KCNQ3: variants seen among roughly 807,000 people sequenced by gnomAD.
The protein encoded by KCNQ3 is potassium voltage-gated channel subfamily KQT member 3.
Under a neutral mutation model 92.5 loss-of-function variants are expected in KCNQ3, and 30 were observed. The ratio of observed to expected loss-of-function variants is 0.32; its 90% CI spans 0.24 to 0.44. The LOEUF (loss-of-function observed/expected upper bound fraction) is 0.44. KCNQ3 is among the 20% of genes least tolerant of loss of function. The pLI is 1.00. For missense variants in KCNQ3, 913 were observed against 1,140.3 expected, an observed-to-expected ratio of 0.80 and a Z score of 2.87; for synonymous variants, 450 against 468.8, an observed-to-expected ratio of 0.96 and a Z score of 0.52.
chr8:132,260,561 T>C (rs116275850), intron 1 of KCNQ3, among the ~76,000 whole-genome samples: 1,727 of 151,784 alleles, frequency 0.011, 32 homozygotes, highest in African/African-American at 0.04. Flanking sequence ...AGGAAGAGAG[T>C]GTCTGGTAGA....
intron 8 of KCNQ3, among the ~76,000 whole-genome samples, chr8:132,164,237 T>G (rs1826074816): frequency 6.6e-6 from 1 of 152,058 alleles, no homozygotes. Flanking sequence ...TAGGGGTTCT[T>G]ATTCAATTGC....
chr8:132,266,465 G>T (rs941256955), intron 1 of KCNQ3, among the ~76,000 whole-genome samples: 1 of 152,196 alleles, frequency 6.6e-6, no homozygotes, highest in African/African-American at 2.4e-5. Flanking sequence ...AGGCTAGACA[G>T]CAAGCTCATC....
intron 1 of KCNQ3, among the ~76,000 whole-genome samples, chr8:132,200,971 G>T (rs575885915): frequency 2.6e-5 from 4 of 152,220 alleles, no homozygotes; most frequent in Admixed American, 1.3e-4. Context: ...CCATGAGTGT[G>T]GTGTGAGCAT....
chr8:132,433,263 T>C (rs987382186), intron 1 of KCNQ3, among the ~76,000 whole-genome samples: 2 of 152,164 alleles, frequency 1.3e-5, no homozygotes, highest in African/African-American at 4.8e-5. Context: ...TCCCAGTTCC[T>C]AATTCAATGA....
intron 1 of KCNQ3, among the ~76,000 whole-genome samples, chr8:132,212,344 T>G (rs1813887972): frequency 6.6e-6 from 1 of 152,136 alleles, no homozygotes; most frequent in African/African-American, 2.4e-5. Context: ...TGTCTTTCCA[T>G]AAATTCCCCT....
At chr8:132,183,780 G>A (rs1406835552) in intron 3 of KCNQ3, among the ~76,000 whole-genome samples, 1 of 152,184 alleles carries the variant, frequency 6.6e-6, no homozygotes, top group Non-Finnish European at 1.5e-5. Flanking sequence ...GTGATCCTCT[G>A]TTTCTATTTC....
At chr8:132,297,515 A>T (rs865864289) in intron 1 of KCNQ3, among the ~76,000 whole-genome samples, 9 of 152,336 alleles carry the variant, frequency 5.9e-5, no homozygotes, top group African/African-American at 1.9e-4. Flanking sequence ...AGAAGGTTTA[A>T]TGTGGCTTTT....
intron 1 of KCNQ3, among the ~76,000 whole-genome samples, chr8:132,448,343 A>G (rs952267440): frequency 2.6e-5 from 4 of 151,568 alleles, no homozygotes; most frequent in African/African-American, 9.7e-5. Flanking sequence ...ATGAGCAAGC[A>G]AGATCCCTGG....
chr8:132,189,718 C>T (rs577819564), intron 1 of KCNQ3, among the ~76,000 whole-genome samples: 2 of 151,382 alleles, frequency 1.3e-5, no homozygotes, highest in African/African-American at 4.9e-5. Context: ...CCCAGCTACT[C>T]GAGAGGCTGA....
At chr8:132,309,317 T>C (rs1429213437) in intron 1 of KCNQ3, among the ~76,000 whole-genome samples, 1 of 152,210 alleles carries the variant, frequency 6.6e-6, no homozygotes, top group Non-Finnish European at 1.5e-5. Flanking sequence ...TAATACACTA[T>C]TATTATCTCC....
At chr8:132,383,281 C>T (rs761660124) in intron 1 of KCNQ3, among the ~76,000 whole-genome samples, 4 of 152,216 alleles carry the variant, frequency 2.6e-5, no homozygotes, top group Non-Finnish European at 4.4e-5. Context: ...CAGGCAGGGC[C>T]TGAGAAATCA....
intron 1 of KCNQ3, among the ~76,000 whole-genome samples, chr8:132,278,943 C>T (rs908671427): frequency 6.6e-6 from 1 of 152,080 alleles, no homozygotes; most frequent in African/African-American, 2.4e-5. Flanking sequence ...CCGTCAGGGG[C>T]GGTGACTCAC....
chr8:132,331,104 T>C (rs1818215225), intron 1 of KCNQ3, among the ~76,000 whole-genome samples: 1 of 152,168 alleles, frequency 6.6e-6, no homozygotes, highest in Non-Finnish European at 1.5e-5. Flanking sequence ...CTAACACTCA[T>C]GGAGCACCTT....
At chr8:132,231,645 G>T (rs1814651701) in intron 1 of KCNQ3, among the ~76,000 whole-genome samples, 1 of 152,168 alleles carries the variant, frequency 6.6e-6, no homozygotes, top group South Asian at 2.1e-4. Context: ...GAGTCCATCA[G>T]AAATCAAATG....
chr8:132,430,928 C>T (rs901380032), intron 1 of KCNQ3, among the ~76,000 whole-genome samples: 2 of 152,132 alleles, frequency 1.3e-5, no homozygotes, highest in African/African-American at 4.8e-5. Context: ...GTTCCTCAAG[C>T]GTCCATATCC....
intron 9 of KCNQ3, among the ~76,000 whole-genome samples, chr8:132,151,292 T>G (rs1825629452): frequency 6.6e-6 from 1 of 152,224 alleles, no homozygotes; most frequent in Non-Finnish European, 1.5e-5. Context: ...TAATTGAGAC[T>G]ACTGGAAATA....
rs529531672 is a variant in KCNQ3 at position 132,168,393 on chromosome 8, G to A, written c.1235+1941C>T. Reference sequence around the variant, plus strand: ...AGTTAGATTCCTCTGCAAGTCACCCGTGACCCTCCATGGTTGTCCCAGTGA... The same window carrying A: ...AGTTAGATTCCTCTGCAAGTCACCCATGACCCTCCATGGTTGTCCCAGTGA... On this transcript the variant is annotated intron_variant, in intron 8 of 14. Coordinates refer to ENST00000388996, the MANE Select transcript of KCNQ3 (RefSeq NM_004519.4). Among the ~76,000 whole-genome samples the A allele has an allele frequency of 6.6e-5, 10 of 152,252 alleles. 1 individual carries two copies. The South Asian group carries it at 1.2e-3, about 19-fold the overall frequency.
At chr8:132,156,364 G>C (rs1007215) in intron 9 of KCNQ3, among the ~76,000 whole-genome samples, 2 of 151,794 alleles carry the variant, frequency 1.3e-5, no homozygotes, top group Non-Finnish European at 2.9e-5. Flanking sequence ...AATTACAAGG[G>C]AAGCCAGGTT....
chr8:132,309,274 C>A (rs914921825), intron 1 of KCNQ3, among the ~76,000 whole-genome samples: 1 of 152,146 alleles, frequency 6.6e-6, no homozygotes, highest in Non-Finnish European at 1.5e-5. Flanking sequence ...ATATTTACCT[C>A]TATCTGATTA....
Sources: allele counts gnomAD v4.1 joint callset (sites outside exome capture counted in the v4.1 genomes callset), GRCh38; gene constraint gnomAD v4.1.1; transcripts MANE v1.5; gene names NCBI Gene and HGNC (gene_info 2026-07-23, HGNC 2026-07-21).